Variants in TMEM135 observed in about 807,000 individuals in gnomAD.
TMEM135 encodes the protein transmembrane protein 135.
A neutral mutation model predicts 60.3 loss-of-function variants in TMEM135; 30 were observed. The ratio of observed to expected loss-of-function variants is 0.50; its 90% CI spans 0.37 to 0.68. The LOEUF (loss-of-function observed/expected upper bound fraction) is 0.68. TMEM135 is among the 30% of genes least tolerant of loss of function. The probability of loss-of-function intolerance (pLI) is 0.00; values close to 1 mark genes in which losing one functional copy is unlikely to be tolerated. For missense variants in TMEM135, 468 were observed against 548.8 expected (o/e 0.85, Z 1.47); for synonymous variants, 190 against 186.7 (o/e 1.02, Z -0.14).
intron 6 of TMEM135, among the ~76,000 whole-genome samples, chr11:87,247,945 C>T (rs1019091915): frequency 4.6e-5 from 7 of 151,574 alleles, no homozygotes; most frequent in Admixed American, 1.3e-4. Context: ...CCGTCTTCTG[C>T]GTCGCTCACA....
chr11:87,258,423 T>G (rs1941575076), intron 6 of TMEM135, among the ~76,000 whole-genome samples: 1 of 152,118 alleles, frequency 6.6e-6, no homozygotes, highest in Admixed American at 6.5e-5. Context: ...TGTAATGCAT[T>G]TTGTCTGTTT....
intron 5 of TMEM135, among the ~76,000 whole-genome samples, chr11:87,191,987 C>CTTTTTTTTTTTTTTTTTTTT (rs200969171): frequency 1.3e-5 from 1 of 77,188 alleles, no homozygotes; most frequent in Non-Finnish European, 2.3e-5. Flanking sequence ...CTTTTCTTTT[C>CTTTTTTTTTTTTTTTTTTTT]TTTTTTTTTT....
At chr11:87,227,102 G>A (rs1185455804) in intron 5 of TMEM135, among the ~76,000 whole-genome samples, 1 of 152,058 alleles carries the variant, frequency 6.6e-6, no homozygotes, top group East Asian at 1.9e-4. Flanking sequence ...GCAAGTAAGA[G>A]TCTAGGCCTA....
chr11:87,039,649 A>C (rs1194842250), intron 1 of TMEM135, among the ~76,000 whole-genome samples: 3 of 152,246 alleles, frequency 2.0e-5, no homozygotes, highest in African/African-American at 7.2e-5. Context: ...GGCTCACTGC[A>C]TAAGGCTCAG....
chr11:87,224,924 C>T (rs1184323143), intron 5 of TMEM135, among the ~76,000 whole-genome samples: 1 of 151,940 alleles, frequency 6.6e-6, no homozygotes, highest in African/African-American at 2.4e-5. Context: ...AGTTTTTGTT[C>T]ATAATATTTA....
intron 5 of TMEM135, among the ~76,000 whole-genome samples, chr11:87,174,157 T>C (rs1289529740): frequency 6.6e-6 from 1 of 152,148 alleles, no homozygotes; most frequent in Non-Finnish European, 1.5e-5. Context: ...GATGAGACAC[T>C]GGCCTTCTAG....
At chr11:87,162,849 C>A (rs559908229) in intron 5 of TMEM135, among the ~76,000 whole-genome samples, 3 of 152,030 alleles carry the variant, frequency 2.0e-5, no homozygotes, top group African/African-American at 7.2e-5. Flanking sequence ...AGTGTAAAAG[C>A]ATTCCTATTT....
intron 5 of TMEM135, among the ~76,000 whole-genome samples, chr11:87,202,419 G>T (rs1465945655): frequency 6.6e-6 from 1 of 152,082 alleles, no homozygotes; most frequent in Non-Finnish European, 1.5e-5. Context: ...TCTGCCTCCT[G>T]GGCTCAAGTT....
intron 5 of TMEM135, among the ~76,000 whole-genome samples, chr11:87,192,005 T>C (rs982959090): frequency 6.8e-5 from 10 of 146,114 alleles, no homozygotes; most frequent in South Asian, 6.6e-4. Flanking sequence ...TTTTTTTTTT[T>C]CGAGATGGAG....
chr11:87,206,395 G>A (rs1368621394), intron 5 of TMEM135, among the ~76,000 whole-genome samples: 1 of 152,020 alleles, frequency 6.6e-6, no homozygotes, highest in East Asian at 1.9e-4. Context: ...ACTACAGGAA[G>A]GCAAATGATG....
At chr11:87,235,469 G>A (rs1940976277) in intron 5 of TMEM135, among the ~76,000 whole-genome samples, 1 of 151,686 alleles carries the variant, frequency 6.6e-6, no homozygotes. Flanking sequence ...GCTTATCTTA[G>A]GCTAAGACAG....
intron 9 of TMEM135, among the ~76,000 whole-genome samples, chr11:87,309,175 T>G (rs1441483862): frequency 3.9e-5 from 6 of 152,208 alleles, no homozygotes; most frequent in Non-Finnish European, 7.3e-5. Flanking sequence ...GTAAAACTCA[T>G]TTGTGGTTTA....
chr11:87,309,567 AT>A lies in TMEM135; in HGVS notation c.834del (p.Phe278LeufsTer47). 1 of 1,613,872 alleles carries A rather than the reference AT, an allele frequency of 6.2e-7. No individual in the cohort carries two copies. The highest frequency in any genetic ancestry group is 8.5e-7 in the Non-Finnish European group (1 of 1,179,840). ...AGTGCTGCCTCCGAATCCCTTCTGC[AT>A]TTAGGCATCTGTTTACACAGCCATC... The part of the protein sequence containing the change: ...IQCCLRIPSA[F>X]RHLFTQPSRL... On this transcript the variant is annotated frameshift_variant, in exon 10 of 15. Transcript: ENST00000305494. LOFTEE classifies it high-confidence loss of function.
Position 87,138,088 on chromosome 11 carries a change from C to CTT in TMEM135, c.397-19239_397-19238dup, listed in dbSNP as rs10671410. 1.7e-3 allele frequency among the ~76,000 whole-genome samples: 228 copies of CTT among 137,874 alleles called. 5 individuals are homozygous for CTT. Among genetic ancestry groups the CTT allele is most frequent in the Middle Eastern group, 7.6e-3 (2 of 264 alleles). 90.5% of individuals were successfully genotyped at this position (137,874 alleles called of 152,430 possible). A position where few individuals can be genotyped will look rare whatever the true frequency, so the allele number is the denominator to read the frequency against. Reference sequence around the variant, plus strand: ...ATGTTTAAAAAGACCAAGTTGATTTCTTTTTTTTTTTTTTTCCTTTTAGAC... The same window carrying CTT: ...ATGTTTAAAAAGACCAAGTTGATTTCTTTTTTTTTTTTTTTTTCCTTTTAGAC... On this transcript the variant is annotated intron_variant, in intron 4 of 14. Transcript: ENST00000305494.
At chr11:87,283,587 G>A (rs750487386) in intron 6 of TMEM135, among the ~76,000 whole-genome samples, 20 of 130,986 alleles carry the variant, frequency 1.5e-4, no homozygotes, top group Non-Finnish European at 2.3e-4. Context: ...GGCTGGGTGC[G>A]GTGGCTCACG....
chr11:87,077,304 T>C (rs894992475), intron 3 of TMEM135, among the ~76,000 whole-genome samples: 3 of 152,262 alleles, frequency 2.0e-5, no homozygotes, highest in Non-Finnish European at 2.9e-5. Flanking sequence ...CCATCTAAGA[T>C]GTAGCTTGTA....
chr11:87,045,078 G>A (rs1446628857), intron 1 of TMEM135, among the ~76,000 whole-genome samples: 7 of 152,064 alleles, frequency 4.6e-5, no homozygotes. Flanking sequence ...TGCCCAGGCT[G>A]GAGTGCGGTG....
intron 5 of TMEM135, among the ~76,000 whole-genome samples, chr11:87,172,361 TG>T (rs777330444): frequency 6.6e-6 from 1 of 151,826 alleles, no homozygotes; most frequent in South Asian, 2.1e-4. Context: ...TAAAGATTTT[TG>T]TATGTAAAGT....
chr11:87,203,666 C>T (rs1940172855), intron 5 of TMEM135, among the ~76,000 whole-genome samples: 1 of 152,190 alleles, frequency 6.6e-6, no homozygotes, highest in Admixed American at 6.5e-5. Flanking sequence ...CTCTAATAAA[C>T]ATTTGTGTGC....
Sources: gnomAD v4.1 joint callset for allele counts (sites outside exome capture counted in the v4.1 genomes callset) on GRCh38, gnomAD v4.1.1 for gene constraint, MANE v1.5 for transcripts, NCBI Gene and HGNC (gene_info 2026-07-23, HGNC 2026-07-21) for gene names.